ABLIM1: variants seen among roughly 807,000 people sequenced by gnomAD.
The protein encoded by ABLIM1 is actin binding LIM protein 1.
In ABLIM1, 40 loss-of-function variants were observed where a neutral mutation model predicts 107.0. The ratio of observed to expected loss-of-function variants is 0.37; its 90% CI spans 0.29 to 0.49. ABLIM1 has a LOEUF of 0.49. Ranked by LOEUF, ABLIM1 falls within the 20% of genes least tolerant of loss-of-function variation. The pLI, the probability that ABLIM1 is intolerant of heterozygous loss-of-function variation, is 0.97. For missense variants in ABLIM1, 857 were observed against 1,008.5 expected (o/e 0.85, Z 2.04); for synonymous variants, 357 against 357.3 (o/e 1.00, Z 0.01).
chr10:114,655,962 G>A (rs118112711), intron 1 of ABLIM1, among the ~76,000 whole-genome samples: 1,574 of 152,228 alleles, frequency 0.01, 13 homozygotes, highest in Non-Finnish European at 0.018. Flanking sequence ...CACCCACTAG[G>A]ATGGCTAGAA....
At chr10:114,558,345 T>A (rs1188621466) in intron 4 of ABLIM1, among the ~76,000 whole-genome samples, 3 of 152,170 alleles carry the variant, frequency 2.0e-5, no homozygotes, top group Non-Finnish European at 4.4e-5. Flanking sequence ...TGTATGATGG[T>A]GAGCACAAAA....
chr10:114,575,982 T>C (rs1257942655), intron 2 of ABLIM1, among the ~76,000 whole-genome samples: 1 of 152,112 alleles, frequency 6.6e-6, no homozygotes, highest in African/African-American at 2.4e-5. Flanking sequence ...TGGGCCAAGA[T>C]TGTTAGGAGT....
upstream of ABLIM1, among the ~76,000 whole-genome samples, chr10:114,769,422 G>GGAAGGAAA (rs1555235433): frequency 1.9e-4 from 10 of 51,852 alleles, no homozygotes; most frequent in African/African-American, 4.8e-4. Flanking sequence ...AAGAAAAGAA[G>GGAAGGAAA]GAAAGAAAGA....
At chr10:114,516,427 G>A (rs1197387003) in intron 6 of ABLIM1, among the ~76,000 whole-genome samples, 3 of 152,116 alleles carry the variant, frequency 2.0e-5, no homozygotes, top group African/African-American at 7.2e-5. Flanking sequence ...GGGAGGCTGA[G>A]GCAGGAGAAC....
Position 114,455,946 on chromosome 10 carries a change from G to A in ABLIM1, c.1442-2463C>T, listed in dbSNP as rs906511191. On this transcript the variant is annotated intron_variant, in intron 12 of 22. Transcript: ENST00000533213. ...TCCCGCCTCACCCTCCTGAGTAGCT[G>A]GGACTACAGGCGCCCGCCACCGCGC... Among the ~76,000 whole-genome samples the A allele has an allele frequency of 3.3e-5, 5 of 151,974 alleles. No individual in the cohort carries two copies. The East Asian group carries it at 9.7e-4, about 29-fold the overall frequency.
At chr10:114,736,122 T>G (rs2082174321) in intron 1 of ABLIM1, among the ~76,000 whole-genome samples, 1 of 152,134 alleles carries the variant, frequency 6.6e-6, no homozygotes, top group Admixed American at 6.5e-5. Context: ...TTTAGACAGG[T>G]GGTGATGTTT....
At chr10:114,557,237 C>T (rs905198848) in intron 4 of ABLIM1, among the ~76,000 whole-genome samples, 2 of 152,224 alleles carry the variant, frequency 1.3e-5, no homozygotes, top group Non-Finnish European at 2.9e-5. Context: ...CCCTGTAGGT[C>T]AGTGGCTCAC....
At chr10:114,724,664 A>C (rs1306062426) in intron 1 of ABLIM1, among the ~76,000 whole-genome samples, 1 of 152,170 alleles carries the variant, frequency 6.6e-6, no homozygotes, top group African/African-American at 2.4e-5. Flanking sequence ...ACCCTAATAA[A>C]GGCCAGGAGA....
At chr10:114,524,926 G>A (rs2136665725) in intron 6 of ABLIM1, among the ~76,000 whole-genome samples, 1 of 152,358 alleles carries the variant, frequency 6.6e-6, no homozygotes, top group South Asian at 2.1e-4. Flanking sequence ...TCCTGCCACT[G>A]TTCCTTGGAC....
chr10:114,634,234 G>A (rs1306862576), intron 1 of ABLIM1, among the ~76,000 whole-genome samples: 3 of 138,762 alleles, frequency 2.2e-5, no homozygotes, highest in Non-Finnish European at 4.5e-5. Context: ...CCGGGTTCAC[G>A]CCATTCTCCT....
At chr10:114,793,495 T>C in the ABLIM1 span, among the ~76,000 whole-genome samples, 75 of 152,200 alleles carry the variant, frequency 4.9e-4, 1 homozygote, top group Non-Finnish European at 9.0e-4. Flanking sequence ...CTTTTCTTTA[T>C]AAATTACCCA....
At chr10:114,443,256 A>G (rs552876779) in intron 17 of ABLIM1, among the ~76,000 whole-genome samples, 1 of 152,280 alleles carries the variant, frequency 6.6e-6, no homozygotes, top group South Asian at 2.1e-4. Flanking sequence ...TGTATAAGTC[A>G]TCTTCTTCAA....
chr10:114,687,463 A>G (rs182265749), upstream of ABLIM1, among the ~76,000 whole-genome samples: 86 of 152,348 alleles, frequency 5.6e-4, 1 homozygote, highest in Admixed American at 2.2e-3. Flanking sequence ...CTGCCTTGCA[A>G]CATTTTGAAT....
At chr10:114,769,686 A>G (rs2082999609), upstream of ABLIM1, among the ~76,000 whole-genome samples, 2 of 152,252 alleles carry the variant, frequency 1.3e-5, no homozygotes, top group African/African-American at 4.8e-5. Context: ...ATTCAGAAAT[A>G]TTAAAAAATA....
At chr10:114,525,028 A>T (rs1174187025) in intron 6 of ABLIM1, among the ~76,000 whole-genome samples, 2 of 152,244 alleles carry the variant, frequency 1.3e-5, no homozygotes, top group Non-Finnish European at 2.9e-5. Flanking sequence ...TCCCTCTAGC[A>T]GTGATTCCCA....
At chr10:114,558,902 A>AGTGTGTGTGTGTGTGTGTGTGTGT (rs377352513) in intron 4 of ABLIM1, among the ~76,000 whole-genome samples, 102 of 148,704 alleles carry the variant, frequency 6.9e-4, no homozygotes, top group African/African-American at 1.7e-3. Context: ...AGGGAGAACT[A>AGTGTGTGTGTGTGTGTGTGTGTGT]GTGTGTGTGT....
At chr10:114,708,386 A>G (rs1385426995) in intron 1 of ABLIM1, among the ~76,000 whole-genome samples, 10 of 152,270 alleles carry the variant, frequency 6.6e-5, no homozygotes, top group South Asian at 6.2e-4. Flanking sequence ...CCACAGAAAA[A>G]GGAGTGTCCC....
intron 12 of ABLIM1, 91 bp from the exon 13 acceptor site, chr10:114,453,574 G>T: frequency 9.6e-7 from 1 of 1,044,946 alleles, no homozygotes; most frequent in Non-Finnish European, 1.3e-6. Flanking sequence ...CAAAACAACA[G>T]ACTGGAAGGA....
At chr10:114,664,639 G>A (rs1292304084) in intron 1 of ABLIM1, among the ~76,000 whole-genome samples, 1 of 151,592 alleles carries the variant, frequency 6.6e-6, no homozygotes, top group African/African-American at 2.4e-5. Context: ...TGCCTCCTGG[G>A]TTCAAGCAAC....
Sources: allele counts gnomAD v4.1 joint callset (sites outside exome capture counted in the v4.1 genomes callset), GRCh38; gene constraint gnomAD v4.1.1; transcripts MANE v1.5; gene names NCBI Gene and HGNC (gene_info 2026-07-23, HGNC 2026-07-21).